Variants in ZFHX3 observed in about 807,000 individuals in gnomAD.
ZFHX3 encodes zinc finger homeobox protein 3.
A neutral mutation model predicts 279.1 loss-of-function variants in ZFHX3; 42 were observed. That is an observed-to-expected ratio of 0.15 (90% CI 0.12 to 0.19). The LOEUF (loss-of-function observed/expected upper bound fraction) is 0.19. Among genes scored for constraint, ZFHX3 ranks in the 10% least tolerant of loss-of-function variants. The probability of loss-of-function intolerance (pLI) is 1.00; values close to 1 mark genes in which losing one functional copy is unlikely to be tolerated. For missense variants in ZFHX3, 4,981 were observed against 4,754.0 expected, an observed-to-expected ratio of 1.05 and a Z score of -1.40; for synonymous variants, 2,293 against 1,957.8, an observed-to-expected ratio of 1.17 and a Z score of -4.52.
At chr16:73,386,224 CTGTT>C (rs141336631) in intron 3 of ZFHX3, among the ~76,000 whole-genome samples, 3 of 152,204 alleles carry the variant, frequency 2.0e-5, no homozygotes, top group Admixed American at 1.3e-4. Flanking sequence ...CTTTCTCTCT[CTGTT>C]TAACTCTCTT....
At chr16:73,076,017 G>C (rs1023831981) in intron 8 of ZFHX3, among the ~76,000 whole-genome samples, 5 of 152,120 alleles carry the variant, frequency 3.3e-5, no homozygotes, top group Non-Finnish European at 7.3e-5. Context: ...GCCACTAACA[G>C]CTGGATGGCC....
intron 3 of ZFHX3, among the ~76,000 whole-genome samples, chr16:72,943,008 G>A (rs1240815031): frequency 2.0e-5 from 3 of 152,112 alleles, no homozygotes; most frequent in Non-Finnish European, 2.9e-5. Context: ...CAGTGTCTCC[G>A]AAGACAGTAT....
At chr16:73,280,869 C>T (rs965002869) in intron 4 of ZFHX3, among the ~76,000 whole-genome samples, 1 of 151,898 alleles carries the variant, frequency 6.6e-6, no homozygotes, top group African/African-American at 2.4e-5. Context: ...CCTGTCATCC[C>T]AGCTACTTGG....
At chr16:73,441,527 G>A (rs2018092103) in intron 3 of ZFHX3, among the ~76,000 whole-genome samples, 2 of 152,086 alleles carry the variant, frequency 1.3e-5, no homozygotes, top group African/African-American at 4.8e-5. Flanking sequence ...CCCAAAACCT[G>A]CCTCCCAAGA....
In ZFHX3 at chr16:73,727,611, A is replaced by T. The variant is rs375121248; in HGVS notation, c.-1607-47371T>A. ...TTGCAGCAAGTATACGGGACTCATT[A>T]TGCATTTTTCCAGGTTTTCTTCTGA... On this transcript the variant is annotated intron_variant, in intron 1 of 17. Transcript: ENST00000641206. Among the ~76,000 whole-genome samples the T allele has an allele frequency of 1.2e-3, 185 of 152,306 alleles. 3 individuals are homozygous for T. The South Asian group carries it at 0.037, about 31-fold the overall frequency.
chr16:73,675,798 A>C (rs1374738581), intron 2 of ZFHX3, among the ~76,000 whole-genome samples: 1 of 152,098 alleles, frequency 6.6e-6, no homozygotes, highest in African/African-American at 2.4e-5. Context: ...TAGGCATAGA[A>C]AAAAACAATA....
intron 2 of ZFHX3, among the ~76,000 whole-genome samples, chr16:73,509,477 C>T (rs74772426): frequency 0.017 from 2,565 of 151,182 alleles, 78 homozygotes; most frequent in African/African-American, 0.06. Flanking sequence ...TCCCTTCTTA[C>T]CACTCCCACC....
At chr16:73,163,411 A>G (rs758389097) in intron 5 of ZFHX3, among the ~76,000 whole-genome samples, 4 of 152,246 alleles carry the variant, frequency 2.6e-5, no homozygotes, top group Non-Finnish European at 4.4e-5. Context: ...GGCCAAATCC[A>G]GCCCGTGACT....
intron 3 of ZFHX3, among the ~76,000 whole-genome samples, chr16:73,412,435 C>A (rs1259174808): frequency 6.6e-6 from 1 of 152,138 alleles, no homozygotes; most frequent in Admixed American, 6.5e-5. Context: ...CATGGCAGAC[C>A]AGACCCTTGC....
intron 2 of ZFHX3, among the ~76,000 whole-genome samples, chr16:73,585,844 T>C (rs2051920530): frequency 6.6e-6 from 1 of 152,094 alleles, no homozygotes. Context: ...CTGATTAATT[T>C]TGGAATTTGA....
intron 5 of ZFHX3, among the ~76,000 whole-genome samples, chr16:72,827,565 T>G (rs2036963577): frequency 6.6e-6 from 1 of 152,162 alleles, no homozygotes; most frequent in Admixed American, 6.5e-5. Flanking sequence ...TGTGAAATCC[T>G]TTTCCCCAGC....
chr16:73,234,298 T>C (rs2012874910), intron 5 of ZFHX3, among the ~76,000 whole-genome samples: 1 of 152,204 alleles, frequency 6.6e-6, no homozygotes, highest in South Asian at 2.1e-4. Flanking sequence ...ATTAGCATAC[T>C]AACCAAGGAT....
At chr16:73,317,016 C>A (rs2015465217) in intron 4 of ZFHX3, among the ~76,000 whole-genome samples, 1 of 152,106 alleles carries the variant, frequency 6.6e-6, no homozygotes, top group African/African-American at 2.4e-5. Flanking sequence ...TGGAGACTAG[C>A]CAGGCCTCTT....
chr16:73,396,293 A>C (rs1396553053), intron 3 of ZFHX3, among the ~76,000 whole-genome samples: 1 of 152,260 alleles, frequency 6.6e-6, no homozygotes, highest in Non-Finnish European at 1.5e-5. Flanking sequence ...AATATCTTGC[A>C]CGGTGCAAGT....
intron 2 of ZFHX3, among the ~76,000 whole-genome samples, chr16:73,489,781 A>G (rs1357131195): frequency 1.3e-5 from 2 of 152,218 alleles, no homozygotes. Context: ...GAATGCTTAA[A>G]ACAATTTTTC....
rs1040153132 is a variant in ZFHX3 at position 73,414,780 on chromosome 16, G to A, written c.-1291+41223C>T. ...GAGCCTGGGAGGTTGAGGCTGCAGT[G>A]AGCTGTGATTGCGCCACCGCACTTT... On this transcript the variant is annotated intron_variant, in intron 3 of 17. Coordinates refer to the ZFHX3 transcript ENST00000641206. Among the ~76,000 whole-genome samples, 4 of 152,304 alleles carry A rather than the reference G, an allele frequency of 2.6e-5. No homozygotes were observed. The South Asian group carries it at 8.3e-4, about 32-fold the overall frequency.
At chr16:73,778,238 A>T (rs1435826004) in intron 1 of ZFHX3, among the ~76,000 whole-genome samples, 6 of 67,960 alleles carry the variant, frequency 8.8e-5, no homozygotes, top group African/African-American at 2.7e-4. Flanking sequence ...AGGAGTGTTA[A>T]AAAAAAAAAA....
intron 3 of ZFHX3, among the ~76,000 whole-genome samples, chr16:72,917,577 G>C (rs374278273): frequency 2.9e-4 from 44 of 152,262 alleles, no homozygotes; most frequent in African/African-American, 9.9e-4. Context: ...TCATGTTGTA[G>C]AAAACATCTA....
intron 4 of ZFHX3, among the ~76,000 whole-genome samples, chr16:72,883,884 T>C (rs2144040881): frequency 6.6e-6 from 1 of 152,250 alleles, no homozygotes; most frequent in Non-Finnish European, 1.5e-5. Context: ...AAACAAGACA[T>C]ACAGTAAAAA....
Sources: gnomAD v4.1 joint callset for allele counts (sites outside exome capture counted in the v4.1 genomes callset) on GRCh38, gnomAD v4.1.1 for gene constraint, MANE v1.5 for transcripts, NCBI Gene and HGNC (gene_info 2026-07-23, HGNC 2026-07-21) for gene names.